CTDSPL: variants seen among roughly 807,000 people sequenced by gnomAD.
CTDSPL encodes CTD small phosphatase like, also known as CTD small phosphatase-like protein.
A neutral mutation model predicts 30.5 loss-of-function variants in CTDSPL; 8 were observed. The observed-to-expected ratio is 0.26, with a 90% CI of 0.15 to 0.47. The LOEUF is 0.47. Among genes scored for constraint, CTDSPL ranks in the 20% least tolerant of loss-of-function variants. The pLI is 0.99. For missense variants in CTDSPL, 248 were observed against 366.1 expected (o/e 0.68, Z 2.63); for synonymous variants, 110 against 137.9 (o/e 0.80, Z 1.42).
intron 1 of CTDSPL, among the ~76,000 whole-genome samples, chr3:37,880,447 A>T (rs960203420): frequency 3.3e-5 from 5 of 152,176 alleles, no homozygotes; most frequent in Admixed American, 2.6e-4. Context: ...TGCCTCTGTC[A>T]TGGGCAGCAT....
chr3:37,868,387 T>C (rs138558191), intron 1 of CTDSPL, among the ~76,000 whole-genome samples: 1 of 152,216 alleles, frequency 6.6e-6, no homozygotes, highest in East Asian at 1.9e-4. Context: ...CTAAAGAGCC[T>C]TTTTCAGAGC....
intron 5 of CTDSPL, chr3:37,968,309 A>G (rs1365232628): frequency 1.8e-5 from 8 of 449,132 alleles, no homozygotes; most frequent in African/African-American, 6.0e-5. Flanking sequence ...GACTGATCTT[A>G]TCATTCCTGC....
At chr3:37,965,598 G>C (rs1187068462) in intron 4 of CTDSPL, among the ~76,000 whole-genome samples, 3 of 152,108 alleles carry the variant, frequency 2.0e-5, no homozygotes, top group Non-Finnish European at 2.9e-5. Flanking sequence ...CCCCTTCACT[G>C]AGAGACATGA....
chr3:37,960,156 A>C (rs1374137538), intron 3 of CTDSPL, among the ~76,000 whole-genome samples: 1 of 151,908 alleles, frequency 6.6e-6, no homozygotes, highest in African/African-American at 2.4e-5. Context: ...GACCAGCCTG[A>C]CCAACATGGA....
intron 5 of CTDSPL, chr3:37,969,499 C>T (rs1256550622): frequency 4.2e-6 from 2 of 471,964 alleles, no homozygotes; most frequent in Non-Finnish European, 8.7e-6. Flanking sequence ...ACGCCGGCAT[C>T]CGGGCTCAGG....
At chr3:37,876,925 G>A (rs1698141175) in intron 1 of CTDSPL, among the ~76,000 whole-genome samples, 1 of 151,800 alleles carries the variant, frequency 6.6e-6, no homozygotes, top group African/African-American at 2.4e-5. Flanking sequence ...GACTAACATG[G>A]TGAAACCCCG....
chr3:37,939,000 T>C (rs939697846), intron 1 of CTDSPL, among the ~76,000 whole-genome samples: 1 of 150,148 alleles, frequency 6.7e-6, no homozygotes, highest in Non-Finnish European at 1.5e-5. Context: ...CAGAGAAAAC[T>C]TTACTGGATA....
intron 1 of CTDSPL, among the ~76,000 whole-genome samples, chr3:37,888,922 C>A (rs1195696193): frequency 6.6e-6 from 1 of 152,236 alleles, no homozygotes; most frequent in African/African-American, 2.4e-5. Context: ...CTACCATTTT[C>A]CTTAGCAAGA....
intron 1 of CTDSPL, among the ~76,000 whole-genome samples, chr3:37,931,029 CTT>C (rs1698847773): frequency 6.6e-6 from 1 of 151,778 alleles, no homozygotes; most frequent in African/African-American, 2.4e-5. Context: ...CATGGAATAT[CTT>C]TTTCCATCCT....
At chr3:37,928,022 T>C (rs1698805545) in intron 1 of CTDSPL, among the ~76,000 whole-genome samples, 1 of 152,220 alleles carries the variant, frequency 6.6e-6, no homozygotes, top group Admixed American at 6.5e-5. Flanking sequence ...TTCCTTCCTT[T>C]TTAAGGCTGA....
intron 3 of CTDSPL, 28 bp from the exon 4 acceptor site, chr3:37,964,543 G>A (rs1699278894): frequency 9.4e-6 from 14 of 1,484,066 alleles, no homozygotes; most frequent in African/African-American, 1.4e-5. Flanking sequence ...TTACATAAAT[G>A]TAATACTGAT....
Position 37,964,574 on chromosome 3 carries a change from C to G in CTDSPL, c.271C>G (p.Pro91Ala). The G allele has an allele frequency of 6.2e-7, 1 of 1,611,254 alleles. No homozygotes were observed. The highest frequency in any genetic ancestry group is 1.1e-5 in the South Asian group (1 of 90,940). The change falls in exon 4 of 8, where the codon CCA (proline) becomes GCA (alanine). Residue 91 changes from proline to alanine, a missense_variant. Coordinates refer to ENST00000273179, the MANE Select transcript of CTDSPL (RefSeq NM_001008392.2). ...CTGATTTATTTTTCCCCTTTAGCCA[C>G]CAGCTAAGTACCTTCTTCCAGAGGT... ...QRQVIPIPSP[P>A]AKYLLPEVTV...
chr3:37,912,387 C>G (rs991357068), intron 1 of CTDSPL, among the ~76,000 whole-genome samples: 4 of 152,136 alleles, frequency 2.6e-5, no homozygotes, highest in African/African-American at 9.7e-5. Flanking sequence ...CTTTATAGGC[C>G]ATTTTGAATT....
intron 3 of CTDSPL, among the ~76,000 whole-genome samples, chr3:37,960,945 G>T (rs1699238731): frequency 1.3e-5 from 2 of 151,614 alleles, no homozygotes; most frequent in Admixed American, 6.6e-5. Context: ...GGCCTTTTTT[G>T]TTTATAATTA....
chr3:37,921,704 T>C (rs910967358), intron 1 of CTDSPL, among the ~76,000 whole-genome samples: 1 of 152,012 alleles, frequency 6.6e-6, no homozygotes, highest in African/African-American at 2.4e-5. Flanking sequence ...TTATGACTCT[T>C]TGAGGTCTAT....
At chr3:37,966,504 G>A (rs1045738259) in intron 4 of CTDSPL, among the ~76,000 whole-genome samples, 1 of 152,120 alleles carries the variant, frequency 6.6e-6, no homozygotes, top group African/African-American at 2.4e-5. Context: ...AATATACTCC[G>A]TGGAATGTGA....
intron 3 of CTDSPL, among the ~76,000 whole-genome samples, chr3:37,960,492 A>ATAAAT (rs1483245397): frequency 1.6e-3 from 95 of 59,392 alleles, no homozygotes; most frequent in African/African-American, 6.8e-3. Context: ...AAAAAAAAAA[A>ATAAAT]AAAAAAAAAA....
At position 37,981,996 on chromosome 3, in the gene CTDSPL, A is replaced by G; in HGVS notation, c.*1129A>G. 2 of 431,076 alleles carry G rather than the reference A, an allele frequency of 4.6e-6. No individual in the cohort carries two copies. The highest frequency in any genetic ancestry group is 1.6e-5 in the South Asian group (1 of 61,282). The allele number at this position is 431,076 out of a possible 1,614,324, so 26.7% of individuals were successfully genotyped here. A position where few individuals can be genotyped will look rare whatever the true frequency, so the allele number is the denominator to read the frequency against. Reference sequence around the variant, plus strand: ...GTCAGAAACAGAGGTGTCCCATCCCATTGCAGCCTCCACCACCTGTAACCC... The same window carrying G: ...GTCAGAAACAGAGGTGTCCCATCCCGTTGCAGCCTCCACCACCTGTAACCC... On this transcript the variant is annotated 3_prime_UTR_variant, in exon 8 of 8. Transcript: ENST00000273179.
chr3:37,881,606 A>G lies in CTDSPL; in HGVS notation c.79+19328A>G, dbSNP rs994347547. Among the ~76,000 whole-genome samples the G allele has an allele frequency of 2.6e-5, 4 of 152,228 alleles. No homozygotes were observed. The South Asian group carries it at 6.2e-4, about 24-fold the overall frequency. Reference sequence around the variant, plus strand: ...ATGAAATTAAAAGGAAAACACTAACATAACATCTACTAACATGGCTAAAAC... The same window carrying G: ...ATGAAATTAAAAGGAAAACACTAACGTAACATCTACTAACATGGCTAAAAC... On this transcript the variant is annotated intron_variant, in intron 1 of 7. Coordinates refer to ENST00000273179, the MANE Select transcript of CTDSPL (RefSeq NM_001008392.2).
Sources: gnomAD v4.1 joint callset for allele counts (sites outside exome capture counted in the v4.1 genomes callset) on GRCh38, gnomAD v4.1.1 for gene constraint, MANE v1.5 for transcripts, NCBI Gene and HGNC (gene_info 2026-07-23, HGNC 2026-07-21) for gene names.